KDM4B: variants seen among roughly 807,000 people sequenced by gnomAD.
KDM4B encodes the protein lysine-specific demethylase 4B.
Under a neutral mutation model 125.2 loss-of-function variants are expected in KDM4B, and 32 were observed. The ratio of observed to expected loss-of-function variants is 0.26; its 90% CI spans 0.19 to 0.34. The LOEUF (loss-of-function observed/expected upper bound fraction) is 0.34. KDM4B is among the 10% of genes least tolerant of loss of function. The pLI is 1.00. For synonymous variants in KDM4B, 721 were observed against 677.9 expected (o/e 1.06, Z -0.99); for missense variants, 1,190 against 1,577.7 (o/e 0.75, Z 4.16).
intron 9 of KDM4B, among the ~76,000 whole-genome samples, chr19:5,084,340 A>G (rs951340943): frequency 1.4e-5 from 2 of 145,260 alleles, no homozygotes; most frequent in Non-Finnish European, 3.0e-5. Flanking sequence ...TATAATTTAT[A>G]TATTGTATGT....
intron 3 of KDM4B, among the ~76,000 whole-genome samples, chr19:5,036,202 T>TG (rs1169667484): frequency 6.6e-6 from 1 of 152,168 alleles, no homozygotes; most frequent in Non-Finnish European, 1.5e-5. Flanking sequence ...CCTTGACCAC[T>TG]GTGTGTGTGC....
At chr19:5,111,900 G>T (rs748990150) in intron 10 of KDM4B, 17 of 738,016 alleles carry the variant, frequency 2.3e-5, no homozygotes, top group Non-Finnish European at 4.2e-5. Context: ...CTGAAATCCA[G>T]ATCTCATGAT....
chr19:5,048,264 A>C (rs1205128475), intron 6 of KDM4B, among the ~76,000 whole-genome samples: 5 of 152,194 alleles, frequency 3.3e-5, no homozygotes, highest in Admixed American at 2.0e-4. Flanking sequence ...CTCCCTGTGC[A>C]CGTCGCAGCG....
chr19:5,021,603 GA>G (rs990302079), intron 2 of KDM4B, among the ~76,000 whole-genome samples: 1 of 149,354 alleles, frequency 6.7e-6, no homozygotes, highest in African/African-American at 2.5e-5. Context: ...AACACTGAAG[GA>G]AAAGAGTAGA....
intron 1 of KDM4B, among the ~76,000 whole-genome samples, chr19:4,999,145 C>T (rs145112655): frequency 2.6e-5 from 4 of 152,164 alleles, no homozygotes; most frequent in Non-Finnish European, 4.4e-5. Context: ...ATTTCTTCTG[C>T]GTTTATTAGT....
intron 2 of KDM4B, among the ~76,000 whole-genome samples, chr19:5,020,205 A>ATTGGTGTGCAGGTG (rs2036067036): frequency 1.3e-5 from 1 of 76,414 alleles, no homozygotes; most frequent in African/African-American, 5.4e-5. Context: ...TGGTGTGGAT[A>ATTGGTGTGCAGGTG]TTGGTGTGCA....
At chr19:5,106,954 G>A (rs2039046671) in intron 9 of KDM4B, among the ~76,000 whole-genome samples, 1 of 152,218 alleles carries the variant, frequency 6.6e-6, no homozygotes, top group African/African-American at 2.4e-5. Context: ...GCAATCCAGG[G>A]CCGTGACCTG....
In KDM4B at chr19:5,115,913, CT is replaced by C. The variant is rs2039245427; in HGVS notation, c.1116-3739del. 1.3e-5 allele frequency among the ~76,000 whole-genome samples: 2 copies of C among 152,122 alleles called. No individual in the cohort carries two copies. Among genetic ancestry groups the C allele is most frequent in the South Asian group, 2.1e-4 (1 of 4,820 alleles). ...AGGCGTAGTCTAGGAAATCTAGCCCCTGATAGGAGTTTCAGAAAAAGAAAAG... is the reference window on the plus strand; with the variant it reads ...AGGCGTAGTCTAGGAAATCTAGCCCCGATAGGAGTTTCAGAAAAAGAAAAG... On this transcript the variant is annotated intron_variant, in intron 10 of 22. Coordinates refer to ENST00000159111, the MANE Select transcript of KDM4B (RefSeq NM_015015.3). This position sits in a 1 kb window ranked among gnomAD's most constrained non-coding sequence, Gnocchi z 4.2.
intron 6 of KDM4B, among the ~76,000 whole-genome samples, chr19:5,064,508 A>G (rs1462256961): frequency 6.6e-6 from 1 of 152,074 alleles, no homozygotes; most frequent in African/African-American, 2.4e-5. Flanking sequence ...CCTGGCACCT[A>G]ATTGCCGAGA....
At chr19:5,064,259 A>G (rs2037696636) in intron 6 of KDM4B, among the ~76,000 whole-genome samples, 1 of 152,186 alleles carries the variant, frequency 6.6e-6, no homozygotes, top group South Asian at 2.1e-4. Flanking sequence ...GGTCTCGGGT[A>G]CTTCCAGCGT....
At chr19:5,059,621 C>G (rs932622895) in intron 6 of KDM4B, among the ~76,000 whole-genome samples, 1 of 152,230 alleles carries the variant, frequency 6.6e-6, no homozygotes, top group African/African-American at 2.4e-5. Context: ...GTGTGTGAGA[C>G]AGTTCAACTC....
intron 21 of KDM4B, among the ~76,000 whole-genome samples, chr19:5,148,496 C>T (rs535004805): frequency 6.6e-6 from 1 of 152,240 alleles, no homozygotes. Context: ...GCGCCTTCCC[C>T]TCCTGGCAAG....
chr19:5,025,623 C>T (rs1321425705), intron 2 of KDM4B, among the ~76,000 whole-genome samples: 2 of 152,218 alleles, frequency 1.3e-5, no homozygotes, highest in East Asian at 3.9e-4. Context: ...CCCCAGGGCC[C>T]ACCCTGGTCT....
intron 9 of KDM4B, among the ~76,000 whole-genome samples, chr19:5,084,881 C>T (rs796894658): frequency 6.6e-6 from 1 of 151,622 alleles, no homozygotes; most frequent in Non-Finnish European, 1.5e-5. Flanking sequence ...CCCGGCCCAC[C>T]CTTTTATAGA....
chr19:5,142,188 G>A lies in KDM4B; in HGVS notation c.2551-1779G>A, dbSNP rs965559799. On this transcript the variant is annotated intron_variant, in intron 18 of 22. Coordinates refer to ENST00000159111, the MANE Select transcript of KDM4B (RefSeq NM_015015.3). The surrounding 1 kb of genome is among the most constrained non-coding windows in gnomAD (Gnocchi z 5.4). Reference sequence around the variant, plus strand: ...GGAAGGACACCGAGCCGGGAACTTCGAACCAAACACCAGTGCCTGGGCCCT... The same window carrying A: ...GGAAGGACACCGAGCCGGGAACTTCAAACCAAACACCAGTGCCTGGGCCCT... Among the ~76,000 whole-genome samples, 3 of 152,098 alleles carry A rather than the reference G, an allele frequency of 2.0e-5. No individual in the cohort carries two copies. The highest frequency in any genetic ancestry group is 2.1e-4 in the South Asian group (1 of 4,832).
intron 18 of KDM4B, among the ~76,000 whole-genome samples, chr19:5,143,374 GTT>G (rs1218401757): frequency 6.6e-6 from 1 of 151,944 alleles, no homozygotes; most frequent in East Asian, 1.9e-4. Flanking sequence ...GCCACTCTAT[GTT>G]TTTTAGTACA....
intron 10 of KDM4B, among the ~76,000 whole-genome samples, chr19:5,117,097 A>G (rs930433562): frequency 6.6e-6 from 1 of 152,026 alleles, no homozygotes; most frequent in African/African-American, 2.4e-5. Context: ...AGCCCTACCC[A>G]GTTCCATGTA....
At chr19:4,978,037 G>C (rs775563873) in intron 1 of KDM4B, among the ~76,000 whole-genome samples, 1 of 152,212 alleles carries the variant, frequency 6.6e-6, no homozygotes, top group Non-Finnish European at 1.5e-5. Context: ...CTGTCTTGCA[G>C]TCGGGCCGCG....
Position 5,135,495 on chromosome 19 carries a change from T to C in KDM4B, c.2242T>C (p.Tyr748His). 6.2e-7 allele frequency: 1 copy of C among 1,612,552 alleles called. No individual in the cohort carries two copies. Among genetic ancestry groups the C allele is most frequent in the Non-Finnish European group, 8.5e-7 (1 of 1,179,780 alleles). ...ENTEPLPANS[Y>H]IGDDGTSPLI... ...CACGGAGCCGCTGCCTGCCAACTCC[T>C]ACATCGGCGACGACGGGACCAGCCC... The change falls in exon 15 of 23, where the codon TAC becomes CAC. Residue 748 changes from tyrosine (Y) to histidine (H), a missense_variant. Coordinates refer to ENST00000159111, the MANE Select transcript of KDM4B (RefSeq NM_015015.3).
Sources: gnomAD v4.1 joint callset for allele counts (sites outside exome capture counted in the v4.1 genomes callset) on GRCh38, gnomAD v4.1.1 for gene constraint, Gnocchi (gnomAD v3.1) non-coding constraint, MANE v1.5 for transcripts, NCBI Gene and HGNC (gene_info 2026-07-23, HGNC 2026-07-21) for gene names.